Variants in LRBA observed in about 807,000 individuals in gnomAD.
LRBA encodes the protein LPS responsive beige-like anchor protein.
In LRBA, 176 loss-of-function variants were observed where a neutral mutation model predicts 330.0. That is an observed-to-expected ratio of 0.53 (90% confidence interval 0.47 to 0.60). The LOEUF is 0.60. LRBA is among the 20% of genes least tolerant of loss of function. The probability of loss-of-function intolerance (pLI) is 0.00; values close to 1 mark genes in which losing one functional copy is unlikely to be tolerated. For missense variants in LRBA, 3,259 were observed against 3,444.8 expected (o/e 0.95, Z 1.35); for synonymous variants, 1,230 against 1,193.0 (o/e 1.03, Z -0.64).
chr4:150,991,451 T>C (rs895145396), intron 2 of LRBA, among the ~76,000 whole-genome samples: 2 of 152,208 alleles, frequency 1.3e-5, no homozygotes, highest in African/African-American at 4.8e-5. Flanking sequence ...ATTACATCCA[T>C]AGAATAGAAT....
intron 30 of LRBA, among the ~76,000 whole-genome samples, chr4:150,817,833 A>G (rs1326830650): frequency 6.6e-6 from 1 of 152,086 alleles, no homozygotes; most frequent in Non-Finnish European, 1.5e-5. Flanking sequence ...GGTATTTATG[A>G]TATACCAATT....
chr4:150,873,150 G>A (rs996331084), intron 17 of LRBA, among the ~76,000 whole-genome samples: 18 of 151,966 alleles, frequency 1.2e-4, no homozygotes, highest in African/African-American at 3.6e-4. Context: ...AATAATTGTC[G>A]CCATGAAAAA....
intron 28 of LRBA, among the ~76,000 whole-genome samples, chr4:150,835,411 A>C (rs1209026730): frequency 6.6e-6 from 1 of 152,152 alleles, no homozygotes; most frequent in Non-Finnish European, 1.5e-5. Context: ...GGCCATTTTC[A>C]TGATATTGAT....
At chr4:150,939,520 C>T (rs1256431246) in intron 2 of LRBA, among the ~76,000 whole-genome samples, 1 of 152,204 alleles carries the variant, frequency 6.6e-6, no homozygotes, top group Non-Finnish European at 1.5e-5. Flanking sequence ...TCTTAGACTT[C>T]TAGCCCACAG....
At chr4:150,455,296 G>C (rs1254101080) in intron 44 of LRBA, among the ~76,000 whole-genome samples, 1 of 151,968 alleles carries the variant, frequency 6.6e-6, no homozygotes, top group African/African-American at 2.4e-5. Context: ...ATACCCAAAT[G>C]ACTATAAATC....
chr4:150,742,840 G>A (rs1732202033), intron 35 of LRBA, among the ~76,000 whole-genome samples: 1 of 152,200 alleles, frequency 6.6e-6, no homozygotes, highest in South Asian at 2.1e-4. Context: ...AGAGGCTACA[G>A]TGAACCATGA....
chr4:150,321,214 A>G lies in LRBA; in HGVS notation c.7607T>C (p.Val2536Ala). The G allele has an allele frequency of 2.5e-6, 4 of 1,608,092 alleles. No homozygotes were observed. Among genetic ancestry groups the G allele is most frequent in the African/African-American group, 1.3e-5 (1 of 74,714 alleles). The change falls in exon 50 of 57, where the codon GTG becomes GCG. Residue 2536 changes from valine to alanine, a missense_variant. By Grantham distance (64) the Val-to-Ala change is moderately conservative. Transcript: ENST00000651943. This position sits in a 1 kb window ranked among gnomAD's most constrained non-coding sequence, Gnocchi z 4.5. Reference protein sequence around the residue: ...ITVTANRLFAVNKWHNLPAHQ... With the variant: ...ITVTANRLFAANKWHNLPAHQ... ...ACCAGGAAGGTTGTGCCATTTGTTC[A>G]CCGCAAATAACCTGTTAGCAGTGAC...
At chr4:150,426,177 T>G (rs1197825356) in intron 46 of LRBA, among the ~76,000 whole-genome samples, 1 of 152,028 alleles carries the variant, frequency 6.6e-6, no homozygotes, top group Non-Finnish European at 1.5e-5. Flanking sequence ...GCTTTCAAGT[T>G]GATATTTAAA....
At chr4:150,418,369 T>C (rs1168352021) in intron 46 of LRBA, among the ~76,000 whole-genome samples, 3 of 152,160 alleles carry the variant, frequency 2.0e-5, no homozygotes, top group African/African-American at 7.2e-5. Context: ...TAAATTCAAT[T>C]AGTTAAACTA....
Position 150,487,725 on chromosome 4 carries a change from A to G in LRBA, c.6551+7T>C. The G allele has an allele frequency of 6.4e-7, 1 of 1,566,346 alleles. No individual in the cohort carries two copies. Among genetic ancestry groups the G allele is most frequent in the Non-Finnish European group, 8.7e-7 (1 of 1,143,098 alleles). ...ACTTTCCCTAAGTTTCTCATATAAA[A>G]CAGTACCTGGTTTGAGGCAATCCAA... On this transcript the variant is annotated splice_region_variant and intron_variant, in intron 42 of 56. Transcript: ENST00000651943.
At chr4:150,639,736 A>AATAT (rs1212252752) in intron 37 of LRBA, among the ~76,000 whole-genome samples, 3 of 51,152 alleles carry the variant, frequency 5.9e-5, no homozygotes, top group African/African-American at 8.3e-5. Flanking sequence ...CTATGCCCCA[A>AATAT]ATATATATAT....
At chr4:150,728,814 A>G (rs2127115682) in intron 36 of LRBA, among the ~76,000 whole-genome samples, 1 of 152,304 alleles carries the variant, frequency 6.6e-6, no homozygotes, top group East Asian at 1.9e-4. Context: ...TACTTTCACC[A>G]CTATTATTCA....
At chr4:150,342,694 C>T (rs1330868784) in intron 48 of LRBA, among the ~76,000 whole-genome samples, 1 of 152,038 alleles carries the variant, frequency 6.6e-6, no homozygotes, top group Admixed American at 6.6e-5. Context: ...TGTGTATTAA[C>T]CATTCATTAT....
At chr4:150,482,081 G>A (rs1045379107) in intron 42 of LRBA, among the ~76,000 whole-genome samples, 1 of 152,048 alleles carries the variant, frequency 6.6e-6, no homozygotes, top group South Asian at 2.1e-4. Context: ...TTATTTTTAG[G>A]TGTACAATAT....
chr4:150,683,616 T>A lies in LRBA; in HGVS notation c.5856A>T (p.Gln1952His). 1 of 1,613,760 alleles carries A rather than the reference T, an allele frequency of 6.2e-7. No individual in the cohort carries two copies. Among genetic ancestry groups the A allele is most frequent in the Non-Finnish European group, 8.5e-7 (1 of 1,179,708 alleles). The change falls in exon 37 of 57, where the codon CAA becomes CAT. Residue 1952 changes from glutamine to histidine, a missense_variant. Coordinates refer to ENST00000651943, the MANE Select transcript of LRBA (RefSeq NM_001364905.1). ...AKYRDHVTAT[Q>H]LIQKIINILT... ...GAATGTTGATAATTTTCTGGATTAG[T>A]TGAGTTGCTGTCACGTGGTCACGAT...
chr4:150,608,046 A>G (rs1217130961), intron 37 of LRBA, among the ~76,000 whole-genome samples: 4 of 152,058 alleles, frequency 2.6e-5, no homozygotes, highest in Admixed American at 2.6e-4. Context: ...GGAAGAAAAA[A>G]GAAAAGATAC....
At chr4:150,415,647 T>G (rs1257880422) in intron 46 of LRBA, 57 bp from the exon 47 acceptor site, 9 of 1,051,874 alleles carry the variant, frequency 8.6e-6, no homozygotes, top group African/African-American at 1.6e-5. Flanking sequence ...TGACTAGATA[T>G]TCAAAAAAAG....
intron 47 of LRBA, among the ~76,000 whole-genome samples, chr4:150,384,336 C>A (rs1324478717): frequency 6.6e-6 from 1 of 152,110 alleles, no homozygotes; most frequent in East Asian, 1.9e-4. Context: ...CTGAGCCCGG[C>A]CCAGTGTGTA....
intron 2 of LRBA, among the ~76,000 whole-genome samples, chr4:151,000,029 C>T (rs1244235754): frequency 6.6e-6 from 1 of 152,092 alleles, no homozygotes; most frequent in African/African-American, 2.4e-5. Flanking sequence ...ATAAATTAGG[C>T]ACAGTAAGAG....
Sources: gnomAD v4.1 joint callset for allele counts (sites outside exome capture counted in the v4.1 genomes callset) on GRCh38, gnomAD v4.1.1 for gene constraint, Gnocchi (gnomAD v3.1) non-coding constraint, MANE v1.5 for transcripts, NCBI Gene and HGNC (gene_info 2026-07-23, HGNC 2026-07-21) for gene names.